Variants in RYR1 observed in about 807,000 individuals in gnomAD.
The protein encoded by RYR1 is central core disease of muscle.
RYR1 carries 342 observed loss-of-function variants against 583.5 expected under a neutral mutation model. The ratio of observed to expected loss-of-function variants is 0.59; its 90% CI spans 0.54 to 0.64. The LOEUF is 0.64. RYR1 is among the 30% of genes least tolerant of loss of function. The probability of loss-of-function intolerance (pLI) is 0.00; values close to 1 mark genes in which losing one functional copy is unlikely to be tolerated. For synonymous variants in RYR1, 2,791 were observed against 2,822.5 expected (o/e 0.99, Z 0.35); for missense variants, 6,032 against 6,917.2 (o/e 0.87, Z 4.54).
At chr19:38,520,693 CAA>C (rs71165555) in intron 67 of RYR1, among the ~76,000 whole-genome samples, 20 of 46,894 alleles carry the variant, frequency 4.3e-4, no homozygotes, top group East Asian at 1.3e-3. Flanking sequence ...GGCTCCACCT[CAA>C]AAAAAAAAAA....
rs200375946 is a variant in RYR1, at chr19:38,517,473, C to T, written c.9800C>T (p.Pro3267Leu). ...AESGARYTEM[P>L]HVIEITLPML... is the part of the protein sequence containing the mutation. Reference sequence around the variant, plus strand: ...TCAGGTGCCCGCTACACAGAGATGCCGCATGTCATCGAGATCACGCTGCCC... The same window carrying T: ...TCAGGTGCCCGCTACACAGAGATGCTGCATGTCATCGAGATCACGCTGCCC... The change falls in exon 66 of 106, where the codon CCG (proline) becomes CTG (leucine). Residue 3267 changes from proline to leucine, a missense_variant. Around this residue, in one of 11 missense-constraint regions of RYR1, gnomAD observed 1,493 missense variants for 1,715.5 expected, o/e 0.87. Transcript: ENST00000359596. 6.4e-5 allele frequency: 103 copies of T among 1,613,928 alleles called. No individual in the cohort carries two copies. The highest frequency in any genetic ancestry group is 5.1e-5 in the Non-Finnish European group (60 of 1,180,010).
rs971353531 is a variant in RYR1 at position 38,566,509 on chromosome 19, C to G, written c.13438-402C>G. ...GAAAGACCAAGACTAAAAAAAGTCCCGAGACAGGGTCAGGGCCACTAGGAA... is the reference window on the plus strand; with the variant it reads ...GAAAGACCAAGACTAAAAAAAGTCCGGAGACAGGGTCAGGGCCACTAGGAA... On this transcript the variant is annotated intron_variant, in intron 91 of 105. Transcript: ENST00000359596. Among the ~76,000 whole-genome samples, 7 of 150,338 alleles carry G rather than the reference C, an allele frequency of 4.7e-5. No individual in the cohort carries two copies. The East Asian group carries it at 1.2e-3, about 25-fold the overall frequency.
chr19:38,523,943 C>A lies in RYR1; in HGVS notation c.10455+14C>A, dbSNP rs775223198. 202 of 1,613,770 alleles carry A rather than the reference C, an allele frequency of 1.3e-4. No individual in the cohort carries two copies. The highest frequency in any genetic ancestry group is 1.6e-4 in the Non-Finnish European group (193 of 1,179,954). Reference sequence around the variant, plus strand: ...GGAGATATACAGGTCAGCCCCACATCTGGGACCTTCCGCATGTCTCTTGGC... The same window carrying A: ...GGAGATATACAGGTCAGCCCCACATATGGGACCTTCCGCATGTCTCTTGGC... On this transcript the variant is annotated intron_variant, in intron 70 of 105. Coordinates refer to ENST00000359596, the MANE Select transcript of RYR1 (RefSeq NM_000540.3).
chr19:38,523,701 T>A (rs1600914135), intron 69 of RYR1: 2 of 637,800 alleles, frequency 3.1e-6, no homozygotes, highest in South Asian at 3.7e-5. Context: ...ATTACCCCAT[T>A]TCCTGCTTTC....
Position 38,496,344 on chromosome 19 carries a change from A to G in RYR1, c.6663+15A>G. ...GCGAGTCCAAGGTGAGGGCCCAGGC[A>G]GGTGCTGGGGAGCTCAGGGGAGGCA... is the stretch of plus-strand genomic sequence containing the variant. On this transcript the variant is annotated intron_variant, in intron 40 of 105. Coordinates refer to ENST00000359596, the MANE Select transcript of RYR1 (RefSeq NM_000540.3). This position sits in a 1 kb window ranked among gnomAD's most constrained non-coding sequence, Gnocchi z 4.8. 6.2e-7 allele frequency: 1 copy of G among 1,613,902 alleles called. No individual in the cohort carries two copies. Among genetic ancestry groups the G allele is most frequent in the African/African-American group, 1.3e-5 (1 of 75,060 alleles).
In RYR1 at chr19:38,567,885, G is replaced by A; in HGVS notation, c.13627G>A (p.Gly4543Arg). 1 of 1,613,868 alleles carries A rather than the reference G, an allele frequency of 6.2e-7. No homozygotes were observed. The highest frequency in any genetic ancestry group is 8.5e-7 in the Non-Finnish European group (1 of 1,180,008). ...GGAGGAAGCTGGAGGCGAATTCTGG[G>A]GAGAACTGGAGGTGCAGAGGGTGAA... ...KKEEAGGEFW[G>R]ELEVQRVKFL... The change falls in exon 93 of 106, where the codon GGA (glycine) becomes AGA (arginine). Residue 4543 changes from glycine (G) to arginine (R), a missense_variant. Coordinates refer to ENST00000359596, the MANE Select transcript of RYR1 (RefSeq NM_000540.3).
At chr19:38,449,169 CAG>C (rs1343100837) in intron 11 of RYR1, among the ~76,000 whole-genome samples, 2 of 152,036 alleles carry the variant, frequency 1.3e-5, no homozygotes, top group African/African-American at 4.8e-5. Flanking sequence ...GACAGAGAAA[CAG>C]AGACACGGCC....
intron 90 of RYR1, among the ~76,000 whole-genome samples, chr19:38,562,833 C>T (rs762259863): frequency 2.0e-5 from 3 of 152,332 alleles, no homozygotes; most frequent in African/African-American, 7.2e-5. Flanking sequence ...CATGCCGCCA[C>T]GCCCTCCTTA....
At chr19:38,487,101 C>A (rs1475751501) in intron 34 of RYR1, among the ~76,000 whole-genome samples, 1 of 152,104 alleles carries the variant, frequency 6.6e-6, no homozygotes, top group African/African-American at 2.4e-5. Flanking sequence ...TCTCCTCCCA[C>A]CTATGCGTCC....
chr19:38,506,296 C>T lies in RYR1; in HGVS notation c.8542-7C>T, dbSNP rs527760235. The T allele has an allele frequency of 1.2e-6, 2 of 1,613,958 alleles. No individual in the cohort carries two copies. The highest frequency in any genetic ancestry group is 2.7e-5 in the African/African-American group (2 of 74,978). On this transcript the variant is annotated splice_polypyrimidine_tract_variant and splice_region_variant and intron_variant, in intron 54 of 105. Coordinates refer to ENST00000359596, the MANE Select transcript of RYR1 (RefSeq NM_000540.3). ...GCCCACCTCCCATCTTCCCCTTGTC[C>T]TCTCAGACCTATGATCCTCGAGAAG...
intron 89 of RYR1, among the ~76,000 whole-genome samples, chr19:38,552,488 T>A (rs1472538342): frequency 6.6e-6 from 1 of 151,740 alleles, no homozygotes; most frequent in Non-Finnish European, 1.5e-5. Flanking sequence ...CCTGACCTCA[T>A]GATCCACCTG....
intron 19 of RYR1, among the ~76,000 whole-genome samples, chr19:38,460,009 C>T (rs974479254): frequency 2.0e-5 from 3 of 152,136 alleles, no homozygotes; most frequent in Admixed American, 6.6e-5. Context: ...AACAGATGCT[C>T]AGTGACTTCT....
intron 97 of RYR1, among the ~76,000 whole-genome samples, chr19:38,576,351 G>A (rs553856904): frequency 6.6e-6 from 1 of 152,290 alleles, no homozygotes; most frequent in East Asian, 1.9e-4. Flanking sequence ...TCAGGAGGCT[G>A]AGGTGGGAGG....
chr19:38,555,465 A>C (rs966480232), intron 89 of RYR1, among the ~76,000 whole-genome samples: 114 of 149,808 alleles, frequency 7.6e-4, no homozygotes, highest in African/African-American at 2.6e-3. Flanking sequence ...AAAAAAAAAA[A>C]TGCATGTGTG....
In RYR1 at chr19:38,446,377, C is replaced by G. The variant is rs1183518060; in HGVS notation, c.632-95C>G. 13 of 933,068 alleles carry G rather than the reference C, an allele frequency of 1.4e-5. No individual in the cohort carries two copies. The East Asian group carries it at 2.5e-4, about 18-fold the overall frequency. The allele number at this position is 933,068 out of a possible 1,614,324, so 57.8% of individuals were successfully genotyped here. On this transcript the variant is annotated intron_variant, in intron 7 of 105. Transcript: ENST00000359596. ...ACCCCAAACTCAGCCCTCAGGTTCC[C>G]CCAGGGGAGGAGCAGGGCCCCTGAC...
chr19:38,467,388 T>C (rs962810574), intron 24 of RYR1, among the ~76,000 whole-genome samples: 4 of 152,178 alleles, frequency 2.6e-5, no homozygotes, highest in African/African-American at 4.8e-5. Context: ...TTTCTGAGAA[T>C]TCTGACTGCT....
intron 78 of RYR1, among the ~76,000 whole-genome samples, chr19:38,533,749 G>A (rs1056421275): frequency 2.0e-5 from 3 of 147,564 alleles, no homozygotes; most frequent in Non-Finnish European, 3.0e-5. Context: ...CCGAGATCAC[G>A]CCATTGCACT....
chr19:38,501,086 T>G (rs1382078561), intron 47 of RYR1, 96 bp downstream of exon 47: 2 of 1,278,160 alleles, frequency 1.6e-6, no homozygotes, highest in Admixed American at 3.9e-5. Flanking sequence ...TTTGTTTTTC[T>G]TGGGATTGTG....
intron 18 of RYR1, 143 bp from the exon 19 acceptor site, chr19:38,459,003 C>T (rs963141818): frequency 1.1e-5 from 8 of 743,822 alleles, no homozygotes; most frequent in Middle Eastern, 3.5e-4. Context: ...TTCAGAGCTA[C>T]GGGAGCATCC....
Sources: allele counts gnomAD v4.1 joint callset (sites outside exome capture counted in the v4.1 genomes callset), GRCh38; gene constraint gnomAD v4.1.1; regional missense constraint gnomAD v4.1.1; non-coding constraint Gnocchi (gnomAD v3.1); transcripts MANE v1.5; gene names NCBI Gene and HGNC (gene_info 2026-07-23, HGNC 2026-07-21).